The following ZC3H12D variants were observed in gnomAD, a reference collection of about 807,000 sequenced individuals.
ZC3H12D encodes the protein probable ribonuclease ZC3H12D.
A neutral mutation model predicts 24.2 loss-of-function variants in ZC3H12D; 11 were observed. The observed-to-expected ratio is 0.46, with a 90% confidence interval of 0.29 to 0.75. ZC3H12D has a LOEUF of 0.75. ZC3H12D is among the 30% of genes least tolerant of loss of function. The pLI, the probability that ZC3H12D is intolerant of heterozygous loss-of-function variation, is 0.11. For missense variants in ZC3H12D, 740 were observed against 767.7 expected, an observed-to-expected ratio of 0.96 and a Z score of 0.43; for synonymous variants, 333 against 341.8, an observed-to-expected ratio of 0.97 and a Z score of 0.28.
intron 4 of ZC3H12D, among the ~76,000 whole-genome samples, chr6:149,453,009 G>C (rs774308109): frequency 1.3e-5 from 2 of 151,932 alleles, no homozygotes; most frequent in Non-Finnish European, 2.9e-5. Flanking sequence ...AGTCATCTGA[G>C]TGCAGTGGTT....
At chr6:149,475,973 C>T (rs1470381431) in intron 1 of ZC3H12D, among the ~76,000 whole-genome samples, 4 of 152,068 alleles carry the variant, frequency 2.6e-5, no homozygotes, top group East Asian at 1.9e-4. Flanking sequence ...TTATTGCAAG[C>T]GAAAACTCCA....
intron 3 of ZC3H12D, 120 bp from the exon 4 acceptor site, chr6:149,457,020 G>GA (rs964735119): frequency 1.7e-5 from 16 of 932,910 alleles, no homozygotes; most frequent in South Asian, 3.4e-5. Flanking sequence ...GGGGAGCGGG[G>GA]AAAAAACACC....
intron 1 of ZC3H12D, among the ~76,000 whole-genome samples, chr6:149,484,087 C>G (rs1017159346): frequency 2.6e-5 from 4 of 152,178 alleles, no homozygotes; most frequent in South Asian, 2.1e-4. Flanking sequence ...AAGCCCCGAT[C>G]CACATCCCGG....
chr6:149,455,793 T>C (rs1468091225), intron 4 of ZC3H12D, among the ~76,000 whole-genome samples: 1 of 151,896 alleles, frequency 6.6e-6, no homozygotes, highest in Non-Finnish European at 1.5e-5. Flanking sequence ...TCTCAACACT[T>C]TGGGAGGCTG....
At chr6:149,471,226 T>C (rs1414612435) in intron 2 of ZC3H12D, among the ~76,000 whole-genome samples, 1 of 152,218 alleles carries the variant, frequency 6.6e-6, no homozygotes, top group African/African-American at 2.4e-5. Context: ...GCACGACCAA[T>C]GGCATTGGGC....
At position 149,451,171 on chromosome 6, in the gene ZC3H12D, C is replaced by A; in HGVS notation, c.1096G>T (p.Ala366Ser). 1 of 1,316,768 alleles carries A rather than the reference C, an allele frequency of 7.6e-7. No homozygotes were observed. The highest frequency in any genetic ancestry group is 9.6e-7 in the Non-Finnish European group (1 of 1,038,932). The allele number at this position is 1,316,768 out of a possible 1,614,324, so 81.6% of individuals were successfully genotyped here. The change falls in exon 6 of 6, where the codon GCC becomes TCC. Residue 366 changes from alanine to serine, a missense_variant. Coordinates refer to ENST00000409806, the MANE Select transcript of ZC3H12D (RefSeq NM_207360.3). ...GPLGPPLPVP[A>S]CSLTPRLGGP... ...CCCAGTCGGGGCGTGAGGCTGCAGGCGGGGACCGGGAGAGGCGGCCCCAGG... is the reference window on the plus strand; with the variant it reads ...CCCAGTCGGGGCGTGAGGCTGCAGGAGGGGACCGGGAGAGGCGGCCCCAGG...
intron 4 of ZC3H12D, among the ~76,000 whole-genome samples, chr6:149,453,559 C>G (rs186583483): frequency 6.6e-6 from 1 of 152,050 alleles, no homozygotes; most frequent in Admixed American, 6.6e-5. Flanking sequence ...ACCCGGGAGG[C>G]GAAGGTTGCA....
At chr6:149,457,290 C>G (rs1356226641) in intron 3 of ZC3H12D, among the ~76,000 whole-genome samples, 1 of 152,176 alleles carries the variant, frequency 6.6e-6, no homozygotes, top group Non-Finnish European at 1.5e-5. Context: ...CTGTATTAAC[C>G]CGGACCTTGA....
At chr6:149,462,978 G>A (rs1776099150) in intron 2 of ZC3H12D, among the ~76,000 whole-genome samples, 1 of 152,190 alleles carries the variant, frequency 6.6e-6, no homozygotes, top group South Asian at 2.1e-4. Flanking sequence ...TTCACCTTGT[G>A]ATCGTGTGAG....
intron 1 of ZC3H12D, among the ~76,000 whole-genome samples, chr6:149,481,681 A>C (rs1041310122): frequency 6.7e-6 from 1 of 148,996 alleles, no homozygotes; most frequent in Non-Finnish European, 1.5e-5. Flanking sequence ...GCCATGGCTC[A>C]GCCTTTGTAT....
chr6:149,471,047 C>T (rs1233137921), intron 2 of ZC3H12D, among the ~76,000 whole-genome samples: 7 of 152,228 alleles, frequency 4.6e-5, no homozygotes, highest in Non-Finnish European at 7.3e-5. Flanking sequence ...CTTCCACTCT[C>T]CCCACATCAT....
chr6:149,469,614 G>A (rs1271048209), intron 2 of ZC3H12D, among the ~76,000 whole-genome samples: 1 of 152,150 alleles, frequency 6.6e-6, no homozygotes, highest in Non-Finnish European at 1.5e-5. Flanking sequence ...ATGGACTCAG[G>A]TATTCAGCTG....
intron 2 of ZC3H12D, among the ~76,000 whole-genome samples, chr6:149,471,957 C>G (rs77029526): frequency 2.6e-5 from 4 of 152,242 alleles, no homozygotes; most frequent in Admixed American, 2.6e-4. Context: ...TGCAATACTA[C>G]AAAACCTCAG....
chr6:149,459,678 C>T, intron 3 of ZC3H12D: 3 of 717,970 alleles, frequency 4.2e-6, no homozygotes, highest in Non-Finnish European at 7.8e-6. Context: ...CATCCCTATC[C>T]CTATAAAGAA....
Position 149,461,624 on chromosome 6 carries a change from G to A in ZC3H12D, c.445+207C>T, listed in dbSNP as rs566448875. 7.7e-6 allele frequency: 3 copies of A among 387,306 alleles called. No individual in the cohort carries two copies. In the South Asian group the frequency reaches 1.9e-4, roughly 24 times the overall value. 24.0% of individuals were successfully genotyped at this position (387,306 alleles called of 1,614,324 possible). On this transcript the variant is annotated intron_variant, in intron 3 of 5. Coordinates refer to ENST00000409806, the MANE Select transcript of ZC3H12D (RefSeq NM_207360.3). The stretch of plus-strand genomic sequence containing the variant: ...TTGAACGCCTAATTTTGAACTACTT[G>A]TTGAATACCAGGTGTTACGCTAGGT...
Position 149,456,623 on chromosome 6 carries a change from G to GGGGGGCCGGCC in ZC3H12D, c.680+42_680+43insGGCCGGCCCCC. On this transcript the variant is annotated intron_variant, in intron 4 of 5. Transcript: ENST00000409806. This position sits in a 1 kb window ranked among gnomAD's most constrained non-coding sequence, Gnocchi z 4.3. Reference sequence around the variant, plus strand: ...GCCACTGCCTCGACCCCGGCCCCCCGCCCCGCCGCCCCCCAGGGTGTCAGG... The same window carrying GGGGGGCCGGCC: ...GCCACTGCCTCGACCCCGGCCCCCCGGGGGGCCGGCCCCCCGCCGCCCCCCAGGGTGTCAGG... 3 of 744,578 alleles carry GGGGGGCCGGCC rather than the reference G, an allele frequency of 4.0e-6. No individual in the cohort carries two copies. The highest frequency in any genetic ancestry group is 3.5e-5 in the East Asian group (1 of 28,324). The allele number at this position is 744,578 out of a possible 1,614,324, so 46.1% of individuals were successfully genotyped here.
In ZC3H12D at chr6:149,456,637, C is replaced by T. The variant is rs1735904457; in HGVS notation, c.680+29G>A. 6.4e-7 allele frequency: 1 copy of T among 1,554,918 alleles called. No homozygotes were observed. Among genetic ancestry groups the T allele is most frequent in the South Asian group, 1.1e-5 (1 of 89,992 alleles). On this transcript the variant is annotated intron_variant, in intron 4 of 5. Coordinates refer to ENST00000409806, the MANE Select transcript of ZC3H12D (RefSeq NM_207360.3). This position sits in a 1 kb window ranked among gnomAD's most constrained non-coding sequence, Gnocchi z 4.3. ...CCCGGCCCCCCGCCCCGCCGCCCCC[C>T]AGGGTGTCAGGACCCCAGCCGGACC...
At chr6:149,453,128 C>CAA (rs59814309) in intron 4 of ZC3H12D, among the ~76,000 whole-genome samples, 9 of 106,102 alleles carry the variant, frequency 8.5e-5, no homozygotes, top group Non-Finnish European at 1.2e-4. Context: ...CTACAGAAAG[C>CAA]AAAAAAAAAA....
Position 149,456,640 on chromosome 6 carries a change from G to A in ZC3H12D, c.680+26C>T. On this transcript the variant is annotated intron_variant, in intron 4 of 5. Transcript: ENST00000409806. This position sits in a 1 kb window ranked among gnomAD's most constrained non-coding sequence, Gnocchi z 4.3. ...GGCCCCCCGCCCCGCCGCCCCCCAGGGTGTCAGGACCCCAGCCGGACCTAC... is the reference window on the plus strand; with the variant it reads ...GGCCCCCCGCCCCGCCGCCCCCCAGAGTGTCAGGACCCCAGCCGGACCTAC... 2 of 1,477,464 alleles carry A rather than the reference G, an allele frequency of 1.4e-6. No individual in the cohort carries two copies. The highest frequency in any genetic ancestry group is 1.9e-6 in the Non-Finnish European group (2 of 1,062,504). 91.5% of individuals were successfully genotyped at this position (1,477,464 alleles called of 1,614,324 possible). A position where few individuals can be genotyped will look rare whatever the true frequency, so the allele number is the denominator to read the frequency against.
Sources: allele counts gnomAD v4.1 joint callset (sites outside exome capture counted in the v4.1 genomes callset), GRCh38; gene constraint gnomAD v4.1.1; non-coding constraint Gnocchi (gnomAD v3.1); transcripts MANE v1.5; gene names NCBI Gene and HGNC (gene_info 2026-07-23, HGNC 2026-07-21).